Variants in NSMAF observed in about 807,000 individuals in gnomAD.
NSMAF encodes the protein neutral sphingomyelinase activation associated factor.
Under a neutral mutation model 134.9 loss-of-function variants are expected in NSMAF, and 90 were observed. The observed-to-expected ratio is 0.67, with a 90% CI of 0.56 to 0.79. NSMAF has a LOEUF of 0.79. NSMAF is among the 30% of genes least tolerant of loss of function. The probability of loss-of-function intolerance (pLI) is 0.00; values close to 1 mark genes in which losing one functional copy is unlikely to be tolerated. For missense variants in NSMAF, 1,010 were observed against 1,119.0 expected (o/e 0.90, Z 1.39); for synonymous variants, 358 against 389.6 (o/e 0.92, Z 0.96).
intron 1 of NSMAF, among the ~76,000 whole-genome samples, chr8:58,654,250 GC>G (rs1251901041): frequency 1.3e-5 from 2 of 152,162 alleles, no homozygotes; most frequent in African/African-American, 4.8e-5. Context: ...CTTGCCAAGT[GC>G]TTTTTATAAA....
In NSMAF at chr8:58,589,975, C is replaced by G. The variant is rs368160639; in HGVS notation, c.2087+32G>C. On this transcript the variant is annotated intron_variant, in intron 25 of 30. Transcript: ENST00000038176. ...CCACAGAGGCAGCTATTCTGCACGTCGAATCACAGAGCAGGGTGCACAGAT... is the reference window on the plus strand; with the variant it reads ...CCACAGAGGCAGCTATTCTGCACGTGGAATCACAGAGCAGGGTGCACAGAT... 1.1e-5 allele frequency: 18 copies of G among 1,587,836 alleles called. No individual in the cohort carries two copies. In the South Asian group the frequency reaches 1.2e-4, roughly 11 times the overall value.
At chr8:58,584,631 T>C (rs1321055420) in intron 30 of NSMAF, among the ~76,000 whole-genome samples, 3 of 152,084 alleles carry the variant, frequency 2.0e-5, no homozygotes, top group African/African-American at 7.2e-5. Context: ...AGAACAAAAG[T>C]CACAAAGAAT....
At chr8:58,607,987 T>C (rs1806446468) in intron 10 of NSMAF, 147 bp from the exon 11 acceptor site, 1 of 690,734 alleles carries the variant, frequency 1.4e-6, no homozygotes, top group Non-Finnish European at 2.5e-6. Context: ...CAAGGTGATA[T>C]CTGGTTTCCC....
intron 2 of NSMAF, among the ~76,000 whole-genome samples, chr8:58,638,641 G>C (rs1468133461): frequency 6.6e-6 from 1 of 151,808 alleles, no homozygotes; most frequent in East Asian, 1.9e-4. Flanking sequence ...ATGAACTGAA[G>C]ACTTAAATGT....
rs757760853 is a variant in NSMAF at position 58,635,473 on chromosome 8, T to C, written c.223A>G (p.Ile75Val). Reference sequence around the variant, plus strand: ...CATATTTAAAATGTATTTACCTTGATGATGGGCTGGGATATTGAATCTGGT... The same window carrying C: ...CATATTTAAAATGTATTTACCTTGACGATGGGCTGGGATATTGAATCTGGT... ...FEPDSISQPI[I>V]KIPLRDCIKI... The change falls in exon 3 of 31, where the codon ATC (isoleucine) becomes GTC (valine). Residue 75 changes from isoleucine (I) to valine (V), a missense_variant. Transcript: ENST00000038176. 35 of 1,600,618 alleles carry C rather than the reference T, an allele frequency of 2.2e-5. 3 individuals carry two copies. The Admixed American group carries it at 3.5e-4, about 16-fold the overall frequency.
At chr8:58,628,762 T>C (rs931838379) in intron 6 of NSMAF, among the ~76,000 whole-genome samples, 1 of 152,200 alleles carries the variant, frequency 6.6e-6, no homozygotes, top group African/African-American at 2.4e-5. Context: ...GGGAAAGTCC[T>C]TATCTCTCCA....
intron 13 of NSMAF, 51 bp downstream of exon 13, chr8:58,603,159 A>C (rs1317974111): frequency 6.6e-7 from 1 of 1,522,296 alleles, no homozygotes; most frequent in Non-Finnish European, 9.1e-7. Flanking sequence ...AAAACAATAC[A>C]GATGACTACT....
Position 58,631,486 on chromosome 8 carries a change from C to A in NSMAF, c.384+10G>T. The A allele has an allele frequency of 1.4e-6, 2 of 1,472,862 alleles. No individual in the cohort carries two copies. Among genetic ancestry groups the A allele is most frequent in the Non-Finnish European group, 1.8e-6 (2 of 1,084,964 alleles). 91.2% of individuals were successfully genotyped at this position (1,472,862 alleles called of 1,614,324 possible). A position where few individuals can be genotyped will look rare whatever the true frequency, so the allele number is the denominator to read the frequency against. ...TAAATTGCTGGAAATACATGAAAAGCTTTACTTACCCTTTCTATTTTATAT... is the reference window on the plus strand; with the variant it reads ...TAAATTGCTGGAAATACATGAAAAGATTTACTTACCCTTTCTATTTTATAT... On this transcript the variant is annotated intron_variant, in intron 6 of 30. Transcript: ENST00000038176.
At chr8:58,595,877 T>A (rs1028734761) in intron 21 of NSMAF, 2 of 439,072 alleles carry the variant, frequency 4.6e-6, no homozygotes, top group Non-Finnish European at 8.3e-6. Flanking sequence ...AATACTAGAA[T>A]CTTTTTATAC....
At position 58,584,124 on chromosome 8, in the gene NSMAF, G is replaced by T; in HGVS notation, c.2736C>A (p.Phe912Leu). 2 of 1,612,866 alleles carry T rather than the reference G, an allele frequency of 1.2e-6. No individual in the cohort carries two copies. Among genetic ancestry groups the T allele is most frequent in the Non-Finnish European group, 1.7e-6 (2 of 1,178,940 alleles). Residue 912 changes from phenylalanine (F) to leucine (L), a missense_variant, in exon 31 of 31, where the codon TTC becomes TTA. By Grantham distance (22) the Phe-to-Leu change is conservative. Coordinates refer to ENST00000038176, the MANE Select transcript of NSMAF (RefSeq NM_003580.4). ...AAGGCACTTAATACTGCAATTTCCAGAATATAATTTGTCTGTCTTCCCCTC... is the reference window on the plus strand; with the variant it reads ...AAGGCACTTAATACTGCAATTTCCATAATATAATTTGTCTGTCTTCCCCTC... ...ITGGEDRQII[F>L]WKLQY
At position 58,597,383 on chromosome 8, in the gene NSMAF, T is replaced by A; in HGVS notation, c.1792+4A>T. 1 of 1,612,186 alleles carries A rather than the reference T, an allele frequency of 6.2e-7. No individual in the cohort carries two copies. ...CTCACGTTTATTCTCTTTACAAAAT[T>A]TACCTGGGGAATCTGCCATAGAAGC... On this transcript the variant is annotated splice_donor_region_variant and intron_variant, in intron 21 of 30. Transcript: ENST00000038176.
chr8:58,589,987 C>G lies in NSMAF; in HGVS notation c.2087+20G>C. ...CTATTCTGCACGTCGAATCACAGAG[C>G]AGGGTGCACAGATACATACACATTA... is the stretch of plus-strand genomic sequence containing the variant. On this transcript the variant is annotated intron_variant, in intron 25 of 30. Coordinates refer to ENST00000038176, the MANE Select transcript of NSMAF (RefSeq NM_003580.4). The G allele has an allele frequency of 6.2e-7, 1 of 1,606,650 alleles. No individual in the cohort carries two copies. Among genetic ancestry groups the G allele is most frequent in the Non-Finnish European group, 8.5e-7 (1 of 1,173,558 alleles).
Position 58,592,912 on chromosome 8 carries a change from AAC to A in NSMAF, c.1951+1318_1951+1319del, listed in dbSNP as rs1491342293. 7.2e-5 allele frequency among the ~76,000 whole-genome samples: 4 copies of A among 55,590 alleles called. 1 individual carries two copies. Among genetic ancestry groups the A allele is most frequent in the African/African-American group, 5.8e-4 (4 of 6,948 alleles). 36.5% of individuals were successfully genotyped at this position (55,590 alleles called of 152,430 possible). On this transcript the variant is annotated intron_variant, in intron 23 of 30. Transcript: ENST00000038176. ...AAAAAAAAACAAAAACAAAAACAAC[AAC>A]AACAAAAAAAAAACCTCTCTCTCCT...
chr8:58,631,274 T>C, intron 6 of NSMAF: 1 of 285,976 alleles, frequency 3.5e-6, no homozygotes, highest in Non-Finnish European at 6.5e-6. Context: ...CATTTGGGTG[T>C]TTTTTTTTTA....
intron 10 of NSMAF, among the ~76,000 whole-genome samples, chr8:58,609,292 C>T (rs909527702): frequency 6.6e-6 from 1 of 152,156 alleles, no homozygotes; most frequent in African/African-American, 2.4e-5. Context: ...CTAGGAAATG[C>T]CTCCTAGAAG....
intron 21 of NSMAF, 161 bp from the exon 22 acceptor site, chr8:58,595,820 A>T: frequency 1.8e-6 from 1 of 554,778 alleles, no homozygotes; most frequent in Non-Finnish European, 3.2e-6. Flanking sequence ...GTTCCACGTT[A>T]GTCAAGGAAA....
In NSMAF at chr8:58,642,968, A is replaced by G. The variant is rs751183029; in HGVS notation, c.149+16T>C. 24 of 1,586,722 alleles carry G rather than the reference A, an allele frequency of 1.5e-5. No individual in the cohort carries two copies. The highest frequency in any genetic ancestry group is 2.1e-5 in the Non-Finnish European group (24 of 1,155,022). ...GAAAGGTTTGTTTGTCCAAGGAGAT[A>G]CCGAAGCTTCCTTACCTTTCATGGT... On this transcript the variant is annotated intron_variant, in intron 2 of 30. Transcript: ENST00000038176.
intron 1 of NSMAF, among the ~76,000 whole-genome samples, chr8:58,647,627 G>C (rs985605023): frequency 1.3e-5 from 2 of 152,136 alleles, no homozygotes; most frequent in African/African-American, 4.8e-5. Context: ...TTGTTTAAAA[G>C]GGTCTGGGAA....
chr8:58,585,319 T>G (rs1295554533), intron 30 of NSMAF, among the ~76,000 whole-genome samples: 4 of 149,736 alleles, frequency 2.7e-5, no homozygotes, highest in Non-Finnish European at 4.5e-5. Flanking sequence ...GTTTCTGGGT[T>G]TTTTTTTTTT....
Sources: allele counts gnomAD v4.1 joint callset (sites outside exome capture counted in the v4.1 genomes callset), GRCh38; gene constraint gnomAD v4.1.1; transcripts MANE v1.5; gene names NCBI Gene and HGNC (gene_info 2026-07-23, HGNC 2026-07-21).